Variants in PEAK1 observed in about 807,000 individuals in gnomAD.
PEAK1 encodes the protein inactive tyrosine-protein kinase PEAK1.
A neutral mutation model predicts 124.7 loss-of-function variants in PEAK1; 54 were observed. The ratio of observed to expected loss-of-function variants is 0.43; its 90% CI spans 0.35 to 0.54. PEAK1 has a LOEUF of 0.54. Ranked by LOEUF, PEAK1 falls within the 20% of genes least tolerant of loss-of-function variation. PEAK1 has a pLI of 0.01. For synonymous variants in PEAK1, 719 were observed against 760.0 expected, an observed-to-expected ratio of 0.95 and a Z score of 0.89; for missense variants, 2,046 against 2,134.5, an observed-to-expected ratio of 0.96 and a Z score of 0.82.
chr15:77,107,778 G>A (rs995885452), downstream of PEAK1: 3 of 152,272 alleles, frequency 2.0e-5, no homozygotes, highest in African/African-American at 7.2e-5. Context: ...TGATTTCCAC[G>A]GAGAGGGTCA....
intron 6 of PEAK1, among the ~76,000 whole-genome samples, chr15:77,222,977 C>A (rs11853460): frequency 6.6e-6 from 1 of 151,676 alleles, no homozygotes; most frequent in South Asian, 2.1e-4. Context: ...GTAATACCTG[C>A]GAGCTTGTTA....
intron 1 of PEAK1, among the ~76,000 whole-genome samples, chr15:77,409,194 G>A (rs951319104): frequency 1.3e-5 from 2 of 149,064 alleles, no homozygotes; most frequent in African/African-American, 5.0e-5. Flanking sequence ...AAGTGCTCCT[G>A]TCAATGTGGG....
intron 2 of PEAK1, chr15:77,335,730 A>G: frequency 1.0e-6 from 1 of 960,796 alleles, no homozygotes; most frequent in Non-Finnish European, 1.2e-6. Flanking sequence ...ACCTCAAATA[A>G]TCCTCCCACT....
intron 2 of PEAK1, among the ~76,000 whole-genome samples, chr15:77,345,210 C>T (rs1392529800): frequency 2.0e-5 from 3 of 152,076 alleles, no homozygotes; most frequent in Non-Finnish European, 4.4e-5. Flanking sequence ...AGGTAGTTTT[C>T]TTCTACTCTT....
In PEAK1 at chr15:77,286,493, A is replaced by G. The variant is rs1343915889; in HGVS notation, c.-591T>C. Reference sequence around the variant, plus strand: ...TTTCTTTCCTTACAAATGGATCTCAAGTATTCTTTTCCTATTAGAAGATGC... The same window carrying G: ...TTTCTTTCCTTACAAATGGATCTCAGGTATTCTTTTCCTATTAGAAGATGC... On this transcript the variant is annotated 5_prime_UTR_variant, in exon 3 of 10. Transcript: ENST00000682557. 2 of 1,227,584 alleles carry G rather than the reference A, an allele frequency of 1.6e-6. No homozygotes were observed. Among genetic ancestry groups the G allele is most frequent in the East Asian group, 6.3e-5 (2 of 31,596 alleles). The allele number at this position is 1,227,584 out of a possible 1,614,324, so 76.0% of individuals were successfully genotyped here.
chr15:77,325,366 C>T (rs2065500946), intron 2 of PEAK1, among the ~76,000 whole-genome samples: 1 of 151,660 alleles, frequency 6.6e-6, no homozygotes, highest in Admixed American at 6.6e-5. Flanking sequence ...TTTGATCGTG[C>T]CATTGCACTC....
Position 77,180,629 on chromosome 15 carries a change from T to A in PEAK1, c.1298A>T (p.Glu433Val). The change falls in exon 7 of 10, where the codon GAG becomes GTG. Residue 433 changes from glutamate (E) to valine (V), a missense_variant. Transcript: ENST00000682557. ...EKDGKIAVQT[E>V]KEESKASTDV... ...TGTAGAGGCTTTACTTTCTTCCTTC[T>A]CAGTTTGTACAGCAATCTTGCCATC... is the stretch of plus-strand genomic sequence containing the variant. 1 of 1,614,196 alleles carries A rather than the reference T, an allele frequency of 6.2e-7. No homozygotes were observed. The highest frequency in any genetic ancestry group is 1.1e-5 in the South Asian group (1 of 91,086).
intron 6 of PEAK1, among the ~76,000 whole-genome samples, chr15:77,238,340 A>G (rs1395955616): frequency 4.0e-5 from 6 of 151,366 alleles, no homozygotes; most frequent in Non-Finnish European, 8.8e-5. Context: ...GTGTCTCTCA[A>G]CTCGCCTTTT....
At chr15:77,259,291 C>G (rs2061323914) in intron 5 of PEAK1, among the ~76,000 whole-genome samples, 1 of 152,048 alleles carries the variant, frequency 6.6e-6, no homozygotes, top group Non-Finnish European at 1.5e-5. Flanking sequence ...CTTCATATTT[C>G]TAATGAATGT....
intron 5 of PEAK1, among the ~76,000 whole-genome samples, chr15:77,268,620 G>A (rs1222700321): frequency 6.6e-6 from 1 of 152,112 alleles, no homozygotes; most frequent in Non-Finnish European, 1.5e-5. Flanking sequence ...AACTTTCTTG[G>A]CCTTGCTAGG....
At chr15:77,245,323 C>G (rs1390404214) in intron 6 of PEAK1, among the ~76,000 whole-genome samples, 4 of 151,578 alleles carry the variant, frequency 2.6e-5, no homozygotes, top group Non-Finnish European at 5.9e-5. Context: ...CCACTATACT[C>G]TAGCCTAGGC....
intron 2 of PEAK1, among the ~76,000 whole-genome samples, chr15:77,311,660 G>A (rs79525425): frequency 1.6e-5 from 2 of 125,720 alleles, no homozygotes; most frequent in African/African-American, 3.1e-5. Context: ...GAAACACAGC[G>A]AGATTCCAAC....
At chr15:77,150,314 T>C (rs1380328986) in intron 8 of PEAK1, among the ~76,000 whole-genome samples, 3 of 152,178 alleles carry the variant, frequency 2.0e-5, no homozygotes, top group Non-Finnish European at 4.4e-5. Flanking sequence ...AAACTCCTAC[T>C]GGTTCTGTGA....
At chr15:77,338,159 G>C (rs964693202) in intron 2 of PEAK1, 9 of 941,840 alleles carry the variant, frequency 9.6e-6, no homozygotes, top group Non-Finnish European at 7.6e-6. Context: ...TAATACAGCA[G>C]ACAATGGGAG....
At chr15:77,337,067 G>A in intron 2 of PEAK1, 3 of 927,132 alleles carry the variant, frequency 3.2e-6, no homozygotes, top group Non-Finnish European at 3.9e-6. Flanking sequence ...AATGAGTAAA[G>A]ATAGGAAAAA....
At chr15:77,176,541 C>G (rs1269254798) in intron 7 of PEAK1, among the ~76,000 whole-genome samples, 1 of 152,176 alleles carries the variant, frequency 6.6e-6, no homozygotes, top group African/African-American at 2.4e-5. Flanking sequence ...TGTGTCTTAA[C>G]AGCTCTCTAG....
chr15:77,339,003 A>G (rs2066370779), intron 2 of PEAK1, among the ~76,000 whole-genome samples: 3 of 152,160 alleles, frequency 2.0e-5, no homozygotes. Context: ...AAAATTTGTA[A>G]ATTGGTTATT....
At chr15:77,420,698 C>G, upstream of PEAK1, 1 of 394,170 alleles carries the variant, frequency 2.5e-6, no homozygotes, top group Non-Finnish European at 4.5e-6. Flanking sequence ...CGTAGTCCTT[C>G]GCCGCATTGG....
chr15:77,335,065 G>T, intron 2 of PEAK1: 1 of 985,364 alleles, frequency 1.0e-6, no homozygotes, highest in Non-Finnish European at 1.2e-6. Flanking sequence ...GTTTCTTCTA[G>T]GGAGGTGCTA....
Sources: allele counts gnomAD v4.1 joint callset (sites outside exome capture counted in the v4.1 genomes callset), GRCh38; gene constraint gnomAD v4.1.1; transcripts MANE v1.5; gene names NCBI Gene and HGNC (gene_info 2026-07-23, HGNC 2026-07-21).